Variants in SYCP2 observed in about 807,000 individuals in gnomAD.
The protein encoded by SYCP2 is synaptonemal complex lateral element protein.
A neutral mutation model predicts 211.3 loss-of-function variants in SYCP2; 55 were observed. That is an observed-to-expected ratio of 0.26 (90% confidence interval 0.21 to 0.33). SYCP2 has a LOEUF of 0.33. SYCP2 is among the 10% of genes least tolerant of loss of function. The pLI is 1.00. For synonymous variants in SYCP2, 570 were observed against 555.2 expected (o/e 1.03, Z -0.37); for missense variants, 1,731 against 1,752.0 (o/e 0.99, Z 0.21).
intron 24 of SYCP2, among the ~76,000 whole-genome samples, chr20:59,887,659 G>GTTT (rs370895209): frequency 5.3e-4 from 81 of 152,162 alleles, no homozygotes; most frequent in African/African-American, 1.9e-3. Flanking sequence ...TCCAGCACCT[G>GTTT]TTAACAGAAC....
intron 20 of SYCP2, among the ~76,000 whole-genome samples, 175 bp downstream of exon 20, chr20:59,895,262 A>G (rs1356743263): frequency 2.6e-5 from 4 of 152,136 alleles, no homozygotes; most frequent in Admixed American, 2.0e-4. Flanking sequence ...TAAGCACAGT[A>G]AATGAGTCAT....
intron 2 of SYCP2, among the ~76,000 whole-genome samples, chr20:59,929,565 T>C (rs962262832): frequency 6.6e-6 from 1 of 152,134 alleles, no homozygotes; most frequent in Non-Finnish European, 1.5e-5. Context: ...TAGCTGAATA[T>C]AATGAAGAAG....
At chr20:59,891,625 G>A (rs1226650667) in intron 24 of SYCP2, among the ~76,000 whole-genome samples, 1 of 151,732 alleles carries the variant, frequency 6.6e-6, no homozygotes, top group Middle Eastern at 3.2e-3. Flanking sequence ...AACAGTCTAT[G>A]GTTACAGTCA....
chr20:59,929,672 T>C (rs2060698244), intron 2 of SYCP2, among the ~76,000 whole-genome samples: 1 of 151,172 alleles, frequency 6.6e-6, no homozygotes, highest in Non-Finnish European at 1.5e-5. Flanking sequence ...ATCTAAAGTA[T>C]ACTTAATAAA....
At chr20:59,928,495 G>A (rs1271506780) in intron 2 of SYCP2, among the ~76,000 whole-genome samples, 1 of 152,000 alleles carries the variant, frequency 6.6e-6, no homozygotes, top group Non-Finnish European at 1.5e-5. Flanking sequence ...CATGTATGGA[G>A]GAATAATGCT....
At chr20:59,906,955 CAT>C (rs1180790416) in intron 15 of SYCP2, among the ~76,000 whole-genome samples, 4 of 152,140 alleles carry the variant, frequency 2.6e-5, no homozygotes, top group South Asian at 2.1e-4. Context: ...GATATTATTA[CAT>C]GTCTATTGAA....
chr20:59,932,521 C>CA (rs1366031814), intron 1 of SYCP2, among the ~76,000 whole-genome samples: 6 of 152,024 alleles, frequency 3.9e-5, no homozygotes, highest in Non-Finnish European at 8.8e-5. Context: ...ACTAAAAATA[C>CA]AAAATTAGCT....
chr20:59,933,139 T>A, intron 1 of SYCP2: 1 of 152,302 alleles, frequency 6.6e-6, no homozygotes, highest in Non-Finnish European at 1.5e-5. Flanking sequence ...CCACCGCTTC[T>A]CCCGCACCCC....
chr20:59,893,923 C>A (rs542548023), intron 20 of SYCP2, among the ~76,000 whole-genome samples: 1 of 152,098 alleles, frequency 6.6e-6, no homozygotes, highest in South Asian at 2.1e-4. Context: ...GATTACATAG[C>A]CTGCTTTATC....
chr20:59,908,120 G>A (rs2060245914), intron 14 of SYCP2, among the ~76,000 whole-genome samples: 1 of 151,882 alleles, frequency 6.6e-6, no homozygotes. Flanking sequence ...GTGGTGGTGG[G>A]CGCCTGTAGT....
At position 59,919,195 on chromosome 20, in the gene SYCP2, G is replaced by A. The variant is rs1568980271; in HGVS notation, c.403-13C>T. On this transcript the variant is annotated splice_polypyrimidine_tract_variant and intron_variant, in intron 6 of 44. Coordinates refer to ENST00000357552, the MANE Select transcript of SYCP2 (RefSeq NM_014258.4). Reference sequence around the variant, plus strand: ...CATCATGTATGACCTGAAAAAAAGTGAATAATATTTAATTTACAAGTTACT... The same window carrying A: ...CATCATGTATGACCTGAAAAAAAGTAAATAATATTTAATTTACAAGTTACT... 2 of 1,196,826 alleles carry A rather than the reference G, an allele frequency of 1.7e-6. No homozygotes were observed. Among genetic ancestry groups the A allele is most frequent in the Non-Finnish European group, 2.4e-6 (2 of 825,582 alleles). The allele number at this position is 1,196,826 out of a possible 1,614,324, so 74.1% of individuals were successfully genotyped here. A position where few individuals can be genotyped will look rare whatever the true frequency, so the allele number is the denominator to read the frequency against.
At chr20:59,877,884 A>G (rs751001485) in intron 32 of SYCP2, 124 bp downstream of exon 32, 8 of 734,368 alleles carry the variant, frequency 1.1e-5, no homozygotes, top group African/African-American at 1.8e-5. Flanking sequence ...TGTGCAAAAG[A>G]AGGAAGAGGT....
intron 12 of SYCP2, among the ~76,000 whole-genome samples, chr20:59,913,573 T>C (rs2060373189): frequency 6.6e-6 from 1 of 152,150 alleles, no homozygotes; most frequent in Non-Finnish European, 1.5e-5. Context: ...TTGCTATATA[T>C]TTACATTCCA....
chr20:59,884,485 CAGAAAT>C (rs1377576532), intron 26 of SYCP2, among the ~76,000 whole-genome samples: 1 of 151,912 alleles, frequency 6.6e-6, no homozygotes, highest in Non-Finnish European at 1.5e-5. Context: ...GATTACTGAT[CAGAAAT>C]AATTAGTAAG....
chr20:59,910,488 C>T (rs1216987971), intron 14 of SYCP2, among the ~76,000 whole-genome samples: 1 of 143,010 alleles, frequency 7.0e-6, no homozygotes, highest in Non-Finnish European at 1.5e-5. Flanking sequence ...TCACGCCATT[C>T]TCCTGCCTCA....
intron 12 of SYCP2, 76 bp from the exon 13 acceptor site, chr20:59,912,494 C>T: frequency 1.9e-6 from 1 of 536,122 alleles, no homozygotes; most frequent in Non-Finnish European, 3.2e-6. Flanking sequence ...AGAAATCATG[C>T]CTAGAATCAA....
At chr20:59,897,724 A>G (rs1333165029) in intron 18 of SYCP2, among the ~76,000 whole-genome samples, 1 of 152,174 alleles carries the variant, frequency 6.6e-6, no homozygotes, top group Non-Finnish European at 1.5e-5. Context: ...TGCCTGTGAG[A>G]GTTATAGTTA....
Position 59,875,415 on chromosome 20 carries a change from T to G in SYCP2, c.3205A>C (p.Lys1069Gln), listed in dbSNP as rs761892557. The change falls in exon 34 of 45, where the codon AAA becomes CAA. Residue 1069 changes from lysine to glutamine, a missense_variant. Physicochemically the swap from Lys to Gln is moderately conservative, Grantham distance 53. Coordinates refer to ENST00000357552, the MANE Select transcript of SYCP2 (RefSeq NM_014258.4). ...KTVKLPKKQQ[K>Q]VFCAETEKEL... is the part of the protein sequence containing the mutation. ...TTTTCTGTTTCAGCACAGAAGACTT[T>G]CTGTTGTTTCTTTGGTAGCTTTACC... is the stretch of plus-strand genomic sequence containing the variant. 6 of 1,612,898 alleles carry G rather than the reference T, an allele frequency of 3.7e-6. No individual in the cohort carries two copies. The African/African-American group carries it at 8.0e-5, about 22-fold the overall frequency.
At chr20:59,916,723 T>TGA in intron 7 of SYCP2, 152 bp from the exon 8 acceptor site, 1 of 555,586 alleles carries the variant, frequency 1.8e-6, no homozygotes, top group Non-Finnish European at 3.2e-6. Flanking sequence ...GTAGACTGCT[T>TGA]GAGCCCAGGA....
Sources: gnomAD v4.1 joint callset for allele counts (sites outside exome capture counted in the v4.1 genomes callset) on GRCh38, gnomAD v4.1.1 for gene constraint, MANE v1.5 for transcripts, NCBI Gene and HGNC (gene_info 2026-07-23, HGNC 2026-07-21) for gene names.